The following DOCK10 variants were observed in gnomAD, a reference collection of about 807,000 sequenced individuals.
DOCK10 encodes dedicator of cytokinesis protein 10.
Under a neutral mutation model 280.1 loss-of-function variants are expected in DOCK10, and 145 were observed. The observed-to-expected ratio is 0.52, with a 90% CI of 0.45 to 0.59. The LOEUF (loss-of-function observed/expected upper bound fraction) is 0.59, where lower values mean the gene tolerates loss of function less well. DOCK10 is among the 20% of genes least tolerant of loss of function. The pLI, the probability that DOCK10 is intolerant of heterozygous loss-of-function variation, is 0.00. For missense variants in DOCK10, 2,368 were observed against 2,651.7 expected (o/e 0.89, Z 2.35); for synonymous variants, 915 against 942.2 (o/e 0.97, Z 0.53).
intron 19 of DOCK10, among the ~76,000 whole-genome samples, chr2:224,849,049 T>C (rs1471448349): frequency 6.6e-6 from 1 of 152,142 alleles, no homozygotes; most frequent in Non-Finnish European, 1.5e-5. Context: ...GATCTCAGCT[T>C]ACCACAATCT....
intron 1 of DOCK10, among the ~76,000 whole-genome samples, chr2:225,040,513 C>CGTGTGTGTGTGTGTGT (rs34574873): frequency 2.0e-5 from 3 of 147,368 alleles, no homozygotes; most frequent in African/African-American, 7.5e-5. Flanking sequence ...GAAAGCAGTG[C>CGTGTGTGTGTGTGTGT]GTGTGTGTGT....
chr2:224,982,373 G>C (rs1251770192), intron 1 of DOCK10: 3 of 1,231,734 alleles, frequency 2.4e-6, no homozygotes, highest in Non-Finnish European at 3.0e-6. Flanking sequence ...GCCCATCGCT[G>C]CATCCTGGAG....
At chr2:224,843,827 C>T (rs1177641375) in intron 22 of DOCK10, among the ~76,000 whole-genome samples, 2 of 152,144 alleles carry the variant, frequency 1.3e-5, no homozygotes, top group Admixed American at 1.3e-4. Context: ...AATAATTATA[C>T]GTGTATAGAC....
rs1216252864 is a variant in DOCK10, at chr2:225,035,559, T to G, written c.123+6693A>C. Among the ~76,000 whole-genome samples the G allele has an allele frequency of 5.8e-3, 273 of 46,938 alleles. 10 individuals carry two copies. The highest frequency in any genetic ancestry group is 0.046 in the South Asian group (43 of 928). 30.8% of individuals were successfully genotyped at this position (46,938 alleles called of 152,430 possible). On this transcript the variant is annotated intron_variant, in intron 1 of 55. Transcript: ENST00000258390. The stretch of plus-strand genomic sequence containing the variant: ...GATATATATTATATATATATATATA[T>G]ATATATATATATATATATATATATA...
At chr2:224,865,869 A>G (rs1697873153) in intron 11 of DOCK10, among the ~76,000 whole-genome samples, 2 of 149,430 alleles carry the variant, frequency 1.3e-5, no homozygotes, top group Non-Finnish European at 1.5e-5. Flanking sequence ...ACACACACAC[A>G]CACTCTCTCT....
intron 50 of DOCK10, among the ~76,000 whole-genome samples, chr2:224,785,647 AT>A: frequency 6.6e-6 from 1 of 151,888 alleles, no homozygotes; most frequent in East Asian, 2.0e-4. Context: ...CACCCGGCTA[AT>A]TTTTTGTATT....
intron 1 of DOCK10, among the ~76,000 whole-genome samples, chr2:224,989,173 C>T (rs1419697017): frequency 1.3e-5 from 2 of 152,182 alleles, no homozygotes; most frequent in African/African-American, 4.8e-5. Flanking sequence ...ACTTTCCTTC[C>T]TGGGCTAGTG....
intron 26 of DOCK10, among the ~76,000 whole-genome samples, chr2:224,833,843 G>A (rs1303700163): frequency 1.3e-5 from 2 of 151,952 alleles, no homozygotes; most frequent in Non-Finnish European, 2.9e-5. Context: ...GTAGAGATGG[G>A]GTTTCACCAT....
chr2:224,940,332 G>A (rs1383931751), intron 1 of DOCK10, among the ~76,000 whole-genome samples: 2 of 152,212 alleles, frequency 1.3e-5, no homozygotes, highest in Admixed American at 6.5e-5. Flanking sequence ...TTGTTCATTG[G>A]AGTAGGTTTC....
intron 1 of DOCK10, among the ~76,000 whole-genome samples, chr2:225,002,212 G>A (rs1295710710): frequency 6.6e-6 from 1 of 152,178 alleles, no homozygotes; most frequent in Admixed American, 6.5e-5. Context: ...TTGTTTACCT[G>A]ATGCTAAACT....
In DOCK10 at chr2:224,805,438, C is replaced by G. The variant is rs369876923; in HGVS notation, c.3906G>C (p.Lys1302Asn). The change falls in exon 35 of 56, where the codon AAG (lysine) becomes AAC (asparagine). Residue 1302 changes from lysine (K) to asparagine (N), a missense_variant. Lys to Asn is a moderately conservative substitution (Grantham distance 94). This residue lies in a region of DOCK10 where 1,159 missense variants were observed against 1,400.8 expected (regional missense o/e 0.83). Coordinates refer to ENST00000258390, the MANE Select transcript of DOCK10 (RefSeq NM_014689.3). This position sits in a 1 kb window ranked among gnomAD's most constrained non-coding sequence, Gnocchi z 4.3. ...SLDSNPSTNEKSSEKTDNCEK... is the reference protein window; with the variant it reads ...SLDSNPSTNENSSEKTDNCEK... ...CACAGTTGTCCGTCTTCTCACTGCT[C>G]TTCTCATTGGTACTTGGATTGGAGT... The G allele has an allele frequency of 1.2e-5, 19 of 1,612,652 alleles. No individual in the cohort carries two copies. Among genetic ancestry groups the G allele is most frequent in the Non-Finnish European group, 1.4e-5 (17 of 1,179,176 alleles).
At chr2:225,032,828 A>G (rs1201490546) in intron 1 of DOCK10, among the ~76,000 whole-genome samples, 1 of 152,228 alleles carries the variant, frequency 6.6e-6, no homozygotes, top group Non-Finnish European at 1.5e-5. Flanking sequence ...TTGTTTGCCA[A>G]GTCAAATGTT....
intron 1 of DOCK10, among the ~76,000 whole-genome samples, chr2:224,979,474 G>T (rs916303300): frequency 5.3e-5 from 8 of 152,154 alleles, no homozygotes; most frequent in African/African-American, 1.9e-4. Context: ...AGGTCTTCCT[G>T]ATAGCTGTGT....
intron 1 of DOCK10, among the ~76,000 whole-genome samples, chr2:225,034,851 G>C (rs1690179296): frequency 6.6e-6 from 1 of 152,178 alleles, no homozygotes; most frequent in Non-Finnish European, 1.5e-5. Context: ...GGGGAGCCTG[G>C]TGGGAGATTC....
At chr2:224,774,787 A>C in intron 52 of DOCK10, 118 bp downstream of exon 52, 1 of 879,632 alleles carries the variant, frequency 1.1e-6, no homozygotes, top group Non-Finnish European at 1.8e-6. Context: ...CCCAGTTAGC[A>C]CATGTTGGGT....
At chr2:225,013,703 G>C (rs1170742703) in intron 1 of DOCK10, among the ~76,000 whole-genome samples, 1 of 152,170 alleles carries the variant, frequency 6.6e-6, no homozygotes, top group Non-Finnish European at 1.5e-5. Context: ...GAACAGGCTT[G>C]AGTGAAGGCA....
intron 23 of DOCK10, among the ~76,000 whole-genome samples, chr2:224,840,962 C>T (rs996542030): frequency 3.3e-5 from 5 of 152,144 alleles, no homozygotes; most frequent in African/African-American, 1.2e-4. Flanking sequence ...TTTGCAACAA[C>T]ATGGAGGAAC....
intron 3 of DOCK10, among the ~76,000 whole-genome samples, chr2:224,910,639 G>A (rs1700956162): frequency 6.6e-6 from 1 of 152,208 alleles, no homozygotes; most frequent in African/African-American, 2.4e-5. Flanking sequence ...AAAGTAAGCA[G>A]TCAATAAAGG....
chr2:224,903,737 C>A (rs923188833), intron 3 of DOCK10, among the ~76,000 whole-genome samples: 3 of 152,140 alleles, frequency 2.0e-5, no homozygotes, highest in Non-Finnish European at 4.4e-5. Flanking sequence ...TTCTTATGCT[C>A]CAAAGCCTCT....
Sources: gnomAD v4.1 joint callset for allele counts (sites outside exome capture counted in the v4.1 genomes callset) on GRCh38, gnomAD v4.1.1 for gene constraint, gnomAD v4.1.1 regional missense constraint, Gnocchi (gnomAD v3.1) non-coding constraint, MANE v1.5 for transcripts, NCBI Gene and HGNC (gene_info 2026-07-23, HGNC 2026-07-21) for gene names.